Variants in SLC24A3 observed in about 807,000 individuals in gnomAD.
SLC24A3 encodes the protein sodium/potassium/calcium exchanger 3.
In SLC24A3, 28 loss-of-function variants were observed where a neutral mutation model predicts 75.8. The ratio of observed to expected loss-of-function variants is 0.37; its 90% confidence interval spans 0.27 to 0.51. The LOEUF (loss-of-function observed/expected upper bound fraction) is 0.51, where lower values mean the gene tolerates loss of function less well. SLC24A3 is among the 20% of genes least tolerant of loss of function. SLC24A3 has a pLI of 0.94. For missense variants in SLC24A3, 663 were observed against 847.8 expected, an observed-to-expected ratio of 0.78 and a Z score of 2.71; for synonymous variants, 372 against 334.1, an observed-to-expected ratio of 1.11 and a Z score of -1.24.
intron 3 of SLC24A3, among the ~76,000 whole-genome samples, chr20:19,556,258 G>A (rs1028764513): frequency 9.2e-5 from 14 of 152,254 alleles, no homozygotes; most frequent in African/African-American, 3.1e-4. Flanking sequence ...ATCCAGAGTT[G>A]CCTGTTTCTC....
chr20:19,390,534 A>T (rs997575982), intron 2 of SLC24A3, among the ~76,000 whole-genome samples: 1 of 152,092 alleles, frequency 6.6e-6, no homozygotes, highest in African/African-American at 2.4e-5. Context: ...ATGGCCTGGC[A>T]CTGGGGCAGG....
chr20:19,372,144 G>C lies in SLC24A3; in HGVS notation c.271+91057G>C, dbSNP rs550750442. 6.6e-5 allele frequency among the ~76,000 whole-genome samples: 10 copies of C among 152,304 alleles called. No homozygotes were observed. The East Asian group carries it at 1.9e-3, about 29-fold the overall frequency. ...ATAAACTGGAAACCTTAGAACTGTG[G>C]TTGCTTAGAAGTCAACATGGTGGAT... On this transcript the variant is annotated intron_variant, in intron 2 of 16. Coordinates refer to ENST00000328041, the MANE Select transcript of SLC24A3 (RefSeq NM_020689.4).
intron 2 of SLC24A3, among the ~76,000 whole-genome samples, chr20:19,468,645 T>G (rs1051882351): frequency 3.9e-5 from 6 of 152,200 alleles, no homozygotes; most frequent in African/African-American, 1.4e-4. Context: ...AAATGTGGTC[T>G]GATTGCCCAG....
chr20:19,643,820 G>GTATA, intron 6 of SLC24A3, among the ~76,000 whole-genome samples: 1 of 152,258 alleles, frequency 6.6e-6, no homozygotes, highest in South Asian at 2.1e-4. Flanking sequence ...GTATATTCAG[G>GTATA]TCAGGACACC....
At chr20:19,340,531 A>G (rs1226291495) in intron 2 of SLC24A3, among the ~76,000 whole-genome samples, 1 of 152,206 alleles carries the variant, frequency 6.6e-6, no homozygotes, top group Non-Finnish European at 1.5e-5. Context: ...TGGTGTCGTG[A>G]TAAAAGGCGT....
chr20:19,659,467 C>G (rs2032302407), intron 7 of SLC24A3, among the ~76,000 whole-genome samples: 1 of 152,196 alleles, frequency 6.6e-6, no homozygotes, highest in Non-Finnish European at 1.5e-5. Flanking sequence ...TGGCTACTGA[C>G]AGGCAACTAG....
chr20:19,292,425 G>A (rs746569802), intron 2 of SLC24A3, among the ~76,000 whole-genome samples: 6 of 152,270 alleles, frequency 3.9e-5, no homozygotes, highest in African/African-American at 4.8e-5. Flanking sequence ...AAACCCAGGC[G>A]GAAAGTAAAA....
chr20:19,526,691 G>A (rs2030204731), intron 3 of SLC24A3, among the ~76,000 whole-genome samples: 1 of 152,106 alleles, frequency 6.6e-6, no homozygotes, highest in Non-Finnish European at 1.5e-5. Flanking sequence ...GGGGAGAGTG[G>A]GTTTTCAGAG....
At chr20:19,580,774 C>T (rs111307305) in intron 4 of SLC24A3, among the ~76,000 whole-genome samples, 4 of 152,140 alleles carry the variant, frequency 2.6e-5, no homozygotes, top group East Asian at 1.9e-4. Context: ...TTATATTTAT[C>T]GGTTTATATT....
chr20:19,260,394 G>A (rs568949365), intron 1 of SLC24A3, among the ~76,000 whole-genome samples: 49 of 152,324 alleles, frequency 3.2e-4, no homozygotes, highest in African/African-American at 1.0e-3. Context: ...AACCATGCCC[G>A]GAATGAGGTC....
intron 15 of SLC24A3, among the ~76,000 whole-genome samples, chr20:19,702,801 A>C (rs6081714): frequency 0.61 from 92,037 of 151,874 alleles, 28,405 homozygotes; most frequent in South Asian, 0.75. Context: ...TGGCACATAG[A>C]TATATAGTTG....
chr20:19,627,052 G>A (rs1021481402), intron 6 of SLC24A3, among the ~76,000 whole-genome samples: 7 of 152,200 alleles, frequency 4.6e-5, no homozygotes, highest in Non-Finnish European at 8.8e-5. Context: ...GATCAGGAGC[G>A]AAGCCACTTA....
At chr20:19,490,933 G>T (rs939460870) in intron 2 of SLC24A3, among the ~76,000 whole-genome samples, 2 of 152,192 alleles carry the variant, frequency 1.3e-5, no homozygotes, top group African/African-American at 4.8e-5. Context: ...CTGTGCCACT[G>T]CCACTTTCTA....
intron 2 of SLC24A3, among the ~76,000 whole-genome samples, chr20:19,347,646 C>T (rs1985457216): frequency 1.3e-5 from 2 of 152,114 alleles, no homozygotes; most frequent in South Asian, 4.1e-4. Context: ...GAACAGAATT[C>T]ATGGTTTGCT....
At chr20:19,345,329 A>G (rs556077281) in intron 2 of SLC24A3, among the ~76,000 whole-genome samples, 1 of 152,316 alleles carries the variant, frequency 6.6e-6, no homozygotes, top group African/African-American at 2.4e-5. Flanking sequence ...GTTCTTCCCA[A>G]CGTGTTCTAT....
chr20:19,637,104 G>A (rs541635391), intron 6 of SLC24A3, among the ~76,000 whole-genome samples: 12 of 152,154 alleles, frequency 7.9e-5, no homozygotes, highest in South Asian at 6.2e-4. Flanking sequence ...TTCAAGATCC[G>A]CCTGGCCAAC....
At chr20:19,294,050 C>T (rs1018993774) in intron 2 of SLC24A3, among the ~76,000 whole-genome samples, 5 of 152,034 alleles carry the variant, frequency 3.3e-5, no homozygotes, top group African/African-American at 1.2e-4. Context: ...CTTATAATAC[C>T]TAATACCTAA....
intron 12 of SLC24A3, among the ~76,000 whole-genome samples, chr20:19,686,610 A>C (rs142692066): frequency 6.6e-6 from 1 of 152,312 alleles, no homozygotes; most frequent in East Asian, 1.9e-4. Flanking sequence ...AGCCCATTTA[A>C]TGATAGGACA....
intron 3 of SLC24A3, among the ~76,000 whole-genome samples, chr20:19,545,511 A>G (rs973562724): frequency 1.3e-5 from 2 of 152,172 alleles, no homozygotes; most frequent in Non-Finnish European, 2.9e-5. Context: ...AAGGAATCAG[A>G]CAACTAAGTC....
Sources: gnomAD v4.1 joint callset for allele counts (sites outside exome capture counted in the v4.1 genomes callset) on GRCh38, gnomAD v4.1.1 for gene constraint, MANE v1.5 for transcripts, NCBI Gene and HGNC (gene_info 2026-07-23, HGNC 2026-07-21) for gene names.